Variants in THSD4 observed in about 807,000 individuals in gnomAD.
The protein encoded by THSD4 is thrombospondin type 1 domain containing 4, also known as thrombospondin type-1 domain-containing protein 4.
THSD4 carries 69 observed loss-of-function variants against 119.0 expected under a neutral mutation model. That is an observed-to-expected ratio of 0.58 (90% CI 0.48 to 0.71). The LOEUF (loss-of-function observed/expected upper bound fraction) is 0.71, where lower values mean the gene tolerates loss of function less well. Ranked by LOEUF, THSD4 falls within the 30% of genes least tolerant of loss-of-function variation. The pLI is 0.00. For missense variants in THSD4, 1,393 were observed against 1,391.1 expected (o/e 1.00, Z -0.02); for synonymous variants, 524 against 540.4 (o/e 0.97, Z 0.42).
intron 6 of THSD4, among the ~76,000 whole-genome samples, chr15:71,278,195 GT>G (rs1246358256): frequency 1.3e-5 from 2 of 152,056 alleles, no homozygotes; most frequent in Middle Eastern, 3.2e-3. Context: ...TTGTTTGCTT[GT>G]TTTTGTTTTG....
intron 1 of THSD4, among the ~76,000 whole-genome samples, chr15:71,137,630 A>T (rs1273730214): frequency 1.3e-5 from 2 of 152,200 alleles, no homozygotes; most frequent in Non-Finnish European, 2.9e-5. Flanking sequence ...TTTGAAAAGC[A>T]GGGCTGATTT....
At chr15:71,359,868 A>G (rs2045869168) in intron 6 of THSD4, among the ~76,000 whole-genome samples, 1 of 152,166 alleles carries the variant, frequency 6.6e-6, no homozygotes, top group African/African-American at 2.4e-5. Flanking sequence ...CAGAGAAAGA[A>G]AAAGAGAAAG....
At chr15:71,635,307 G>C (rs769467326) in intron 7 of THSD4, among the ~76,000 whole-genome samples, 1 of 152,012 alleles carries the variant, frequency 6.6e-6, no homozygotes, top group African/African-American at 2.4e-5. Flanking sequence ...GGGACAAAAA[G>C]ACCCTTTCAC....
chr15:71,546,767 TG>T (rs1483942462), intron 7 of THSD4, among the ~76,000 whole-genome samples: 2 of 152,226 alleles, frequency 1.3e-5, no homozygotes, highest in Non-Finnish European at 2.9e-5. Context: ...CTGTTGAGGC[TG>T]CCCTTGATAA....
At chr15:71,526,177 G>A (rs1452024422) in intron 7 of THSD4, among the ~76,000 whole-genome samples, 1 of 152,068 alleles carries the variant, frequency 6.6e-6, no homozygotes, top group Non-Finnish European at 1.5e-5. Context: ...CTGATTGATT[G>A]CCGGTTTCAA....
chr15:71,301,102 A>G (rs977390631), intron 6 of THSD4, among the ~76,000 whole-genome samples: 5 of 152,146 alleles, frequency 3.3e-5, no homozygotes, highest in African/African-American at 7.2e-5. Flanking sequence ...TTTTTCTTTC[A>G]TTACAGGTTG....
intron 6 of THSD4, among the ~76,000 whole-genome samples, chr15:71,334,483 C>T (rs1349491938): frequency 2.6e-5 from 4 of 152,220 alleles, no homozygotes; most frequent in African/African-American, 9.7e-5. Context: ...ACATCCAATA[C>T]AGTCAGTAGC....
chr15:71,482,231 T>C (rs1282279476), intron 7 of THSD4, among the ~76,000 whole-genome samples: 1 of 152,064 alleles, frequency 6.6e-6, no homozygotes, highest in East Asian at 1.9e-4. Context: ...AGAGGGCTCC[T>C]GTGGCTCCAG....
intron 3 of THSD4, among the ~76,000 whole-genome samples, chr15:71,169,745 G>A (rs1281683848): frequency 6.6e-6 from 1 of 152,172 alleles, no homozygotes; most frequent in Non-Finnish European, 1.5e-5. Flanking sequence ...TTATCACTCA[G>A]AGATAGAAAA....
At chr15:71,322,869 G>A (rs1230287204) in intron 6 of THSD4, among the ~76,000 whole-genome samples, 2 of 152,054 alleles carry the variant, frequency 1.3e-5, no homozygotes, top group South Asian at 2.1e-4. Context: ...GGCTTAGGTG[G>A]GGGGATCACT....
intron 7 of THSD4, among the ~76,000 whole-genome samples, chr15:71,449,009 C>G (rs2047227884): frequency 6.6e-6 from 1 of 152,184 alleles, no homozygotes. Context: ...TTCATTCTCC[C>G]TCACAGCAGC....
chr15:71,691,558 T>C (rs2052050029), intron 8 of THSD4, among the ~76,000 whole-genome samples: 1 of 152,220 alleles, frequency 6.6e-6, no homozygotes, highest in African/African-American at 2.4e-5. Context: ...GCTCAGATTG[T>C]TTCATTTCTC....
chr15:71,713,639 A>C (rs149908080), intron 8 of THSD4, among the ~76,000 whole-genome samples: 2,294 of 152,278 alleles, frequency 0.015, 61 homozygotes, highest in African/African-American at 0.05. Context: ...GAATCAGATG[A>C]CTACTGTGAG....
chr15:71,283,809 C>T (rs1250471785), intron 6 of THSD4, among the ~76,000 whole-genome samples: 2 of 152,100 alleles, frequency 1.3e-5, no homozygotes, highest in Non-Finnish European at 2.9e-5. Context: ...TGGAAGGTAT[C>T]GTTGACAGTG....
At chr15:71,318,109 G>A (rs1317622560) in intron 6 of THSD4, among the ~76,000 whole-genome samples, 2 of 152,140 alleles carry the variant, frequency 1.3e-5, no homozygotes, top group Admixed American at 6.5e-5. Flanking sequence ...GGAGCATGGA[G>A]TTACTTGTTC....
Position 71,377,893 on chromosome 15 carries a change from C to CACACACACACACACACAA in THSD4, c.1016-33777_1016-33776insAACACACACACACACACA, listed in dbSNP as rs1326882494. The stretch of plus-strand genomic sequence containing the variant: ...ACACACACACACACACACACACACA[C>CACACACACACACACACAA]ACACACACACACACACACACAATTT... On this transcript the variant is annotated intron_variant, in intron 6 of 17. Coordinates refer to ENST00000261862, the MANE Select transcript of THSD4 (RefSeq NM_024817.3). Among the ~76,000 whole-genome samples the CACACACACACACACACAA allele has an allele frequency of 1.1e-4, 9 of 85,210 alleles. 1 individual carries two copies. The highest frequency in any genetic ancestry group is 4.7e-4 in the Admixed American group (4 of 8,526). The allele number at this position is 85,210 out of a possible 152,430, so 55.9% of individuals were successfully genotyped here.
At chr15:71,290,999 G>A (rs184111466) in intron 6 of THSD4, among the ~76,000 whole-genome samples, 83 of 151,406 alleles carry the variant, frequency 5.5e-4, no homozygotes, top group African/African-American at 1.9e-3. Context: ...CTCCCCAGAG[G>A]CAAGTGTCTT....
intron 7 of THSD4, among the ~76,000 whole-genome samples, chr15:71,431,019 C>G (rs2046937234): frequency 6.6e-6 from 1 of 152,086 alleles, no homozygotes; most frequent in African/African-American, 2.4e-5. Flanking sequence ...ATGCAAATAA[C>G]TACATTACCA....
chr15:71,459,160 CTTTTTTTTTTTT>C (rs372209662), intron 7 of THSD4, among the ~76,000 whole-genome samples: 1 of 128,882 alleles, frequency 7.8e-6, no homozygotes, highest in African/African-American at 2.9e-5. Context: ...TTCTTTTTTT[CTTTTTTTTTTTT>C]TTTTTTGACA....
Sources: gnomAD v4.1 joint callset for allele counts (sites outside exome capture counted in the v4.1 genomes callset) on GRCh38, gnomAD v4.1.1 for gene constraint, MANE v1.5 for transcripts, NCBI Gene and HGNC (gene_info 2026-07-23, HGNC 2026-07-21) for gene names.